The following DLGAP4 variants were observed in gnomAD, a reference collection of about 807,000 sequenced individuals.
DLGAP4 encodes disks large-associated protein 4.
A neutral mutation model predicts 86.9 loss-of-function variants in DLGAP4; 18 were observed. That is an observed-to-expected ratio of 0.21 (90% CI 0.14 to 0.31). DLGAP4 has a LOEUF of 0.31. Among genes scored for constraint, DLGAP4 ranks in the 10% least tolerant of loss-of-function variants. The pLI is 1.00. For synonymous variants in DLGAP4, 548 were observed against 574.3 expected (o/e 0.95, Z 0.65); for missense variants, 1,085 against 1,362.6 (o/e 0.80, Z 3.21).
At chr20:36,341,526 A>G (rs1203652792) in intron 1 of DLGAP4, among the ~76,000 whole-genome samples, 1 of 152,248 alleles carries the variant, frequency 6.6e-6, no homozygotes, top group Non-Finnish European at 1.5e-5. Context: ...TTGTTCCCGC[A>G]GTAACCCTTT....
intron 2 of DLGAP4, among the ~76,000 whole-genome samples, chr20:36,385,334 G>A (rs1330867351): frequency 2.0e-5 from 3 of 152,102 alleles, no homozygotes; most frequent in African/African-American, 4.8e-5. Context: ...GGAAGAGCAC[G>A]GTAATCACTG....
chr20:36,471,102 G>T (rs138661071), intron 7 of DLGAP4, among the ~76,000 whole-genome samples: 1 of 151,966 alleles, frequency 6.6e-6, no homozygotes, highest in Non-Finnish European at 1.5e-5. Flanking sequence ...AAGGCACCCC[G>T]CCTTCACCCC....
chr20:36,424,940 T>C (rs2032934895), intron 2 of DLGAP4, among the ~76,000 whole-genome samples: 1 of 152,156 alleles, frequency 6.6e-6, no homozygotes, highest in African/African-American at 2.4e-5. Flanking sequence ...TTCGCCATAT[T>C]GGGCAGGGTG....
At chr20:36,410,683 G>A (rs1161215578) in intron 2 of DLGAP4, among the ~76,000 whole-genome samples, 1 of 152,060 alleles carries the variant, frequency 6.6e-6, no homozygotes, top group Non-Finnish European at 1.5e-5. Context: ...TAAACAACCT[G>A]GTGAACTACC....
intron 3 of DLGAP4, among the ~76,000 whole-genome samples, chr20:36,435,462 C>T (rs1002364124): frequency 1.3e-5 from 2 of 152,200 alleles, no homozygotes; most frequent in Non-Finnish European, 2.9e-5. Context: ...TGTGACCTCA[C>T]CTGCCCTATC....
intron 1 of DLGAP4, among the ~76,000 whole-genome samples, chr20:36,327,004 T>TC (rs1243585023): frequency 4.2e-5 from 6 of 144,436 alleles, no homozygotes; most frequent in Non-Finnish European, 6.1e-5. Flanking sequence ...CTCTTTTTTT[T>TC]TTTTTTTTTT....
intron 7 of DLGAP4, among the ~76,000 whole-genome samples, chr20:36,485,961 G>C (rs2035392523): frequency 6.6e-6 from 1 of 152,132 alleles, no homozygotes; most frequent in Non-Finnish European, 1.5e-5. Flanking sequence ...TTTGCTCAAG[G>C]CTCTACCTCC....
At chr20:36,335,145 T>C (rs1215890616) in intron 1 of DLGAP4, among the ~76,000 whole-genome samples, 2 of 152,094 alleles carry the variant, frequency 1.3e-5, no homozygotes, top group African/African-American at 4.8e-5. Flanking sequence ...CTGGAGGCTT[T>C]TGAGATGGGG....
chr20:36,521,090 G>A (rs887771631), intron 10 of DLGAP4, among the ~76,000 whole-genome samples: 1 of 152,204 alleles, frequency 6.6e-6, no homozygotes, highest in Non-Finnish European at 1.5e-5. Context: ...AAAGTGCTGG[G>A]ATTACAGGCA....
chr20:36,385,325 G>A (rs1285781106), intron 2 of DLGAP4, among the ~76,000 whole-genome samples: 1 of 152,162 alleles, frequency 6.6e-6, no homozygotes, highest in Non-Finnish European at 1.5e-5. Context: ...TAGCTTAGCG[G>A]AAGAGCACGG....
intron 10 of DLGAP4, among the ~76,000 whole-genome samples, chr20:36,501,950 C>T (rs1276294438): frequency 6.6e-6 from 1 of 152,172 alleles, no homozygotes; most frequent in East Asian, 1.9e-4. Flanking sequence ...TAAGAGAAAA[C>T]ATCCAGCCCA....
intron 1 of DLGAP4, among the ~76,000 whole-genome samples, chr20:36,327,719 G>A (rs1201044574): frequency 1.4e-5 from 2 of 145,718 alleles, no homozygotes; most frequent in East Asian, 4.1e-4. Context: ...AGCCTCCCAA[G>A]TAGCTGGGAC....
chr20:36,322,336 G>A (rs921010596), intron 1 of DLGAP4, among the ~76,000 whole-genome samples: 1 of 152,204 alleles, frequency 6.6e-6, no homozygotes, highest in Admixed American at 6.5e-5. Context: ...GATGGCGGGG[G>A]CCAGACGGTA....
intron 2 of DLGAP4, among the ~76,000 whole-genome samples, chr20:36,395,656 A>C (rs1014975546): frequency 6.6e-6 from 1 of 151,958 alleles, no homozygotes; most frequent in Non-Finnish European, 1.5e-5. Flanking sequence ...ATGCCACCAC[A>C]CCTGGCTAAT....
chr20:36,377,805 C>G (rs2031216383), intron 2 of DLGAP4, among the ~76,000 whole-genome samples: 1 of 152,332 alleles, frequency 6.6e-6, no homozygotes, highest in Non-Finnish European at 1.5e-5. Flanking sequence ...GAGGAAAACT[C>G]TCCCCGCGTT....
intron 2 of DLGAP4, among the ~76,000 whole-genome samples, chr20:36,401,417 C>T (rs1043511147): frequency 2.0e-5 from 3 of 152,242 alleles, no homozygotes; most frequent in African/African-American, 7.2e-5. Context: ...GGGGAGCCCC[C>T]AGTCTTTGCC....
chr20:36,458,159 A>AG (rs2033928996), intron 7 of DLGAP4, among the ~76,000 whole-genome samples: 1 of 151,770 alleles, frequency 6.6e-6, no homozygotes, highest in Non-Finnish European at 1.5e-5. Context: ...TCTGAGTACA[A>AG]GGGGGAACCA....
chr20:36,442,281 G>T (rs141495366), intron 5 of DLGAP4, among the ~76,000 whole-genome samples: 4 of 152,150 alleles, frequency 2.6e-5, no homozygotes, highest in Non-Finnish European at 5.9e-5. Flanking sequence ...TGCAACCTCC[G>T]CCTCACGGGT....
At chr20:36,495,998 G>A (rs560550250) in intron 7 of DLGAP4, among the ~76,000 whole-genome samples, 3 of 152,022 alleles carry the variant, frequency 2.0e-5, no homozygotes, top group Non-Finnish European at 2.9e-5. Context: ...TCAGCCTTCC[G>A]AGTAGCTGGG....
Sources: gnomAD v4.1 joint callset for allele counts (sites outside exome capture counted in the v4.1 genomes callset) on GRCh38, gnomAD v4.1.1 for gene constraint, MANE v1.5 for transcripts, NCBI Gene and HGNC (gene_info 2026-07-23, HGNC 2026-07-21) for gene names.